STARD13: variants seen among roughly 807,000 people sequenced by gnomAD.
STARD13 encodes stAR-related lipid transfer protein 13.
A neutral mutation model predicts 106.4 loss-of-function variants in STARD13; 62 were observed. That is an observed-to-expected ratio of 0.58 (90% CI 0.48 to 0.72). STARD13 has a LOEUF of 0.72. Ranked by LOEUF, STARD13 falls within the 30% of genes least tolerant of loss-of-function variation. The pLI, the probability that STARD13 is intolerant of heterozygous loss-of-function variation, is 0.00. For synonymous variants in STARD13, 565 were observed against 553.0 expected, an observed-to-expected ratio of 1.02 and a Z score of -0.31; for missense variants, 1,387 against 1,424.0, an observed-to-expected ratio of 0.97 and a Z score of 0.42.
the STARD13 span, among the ~76,000 whole-genome samples, chr13:33,597,508 T>G: frequency 7.9e-5 from 12 of 152,206 alleles, no homozygotes; most frequent in Non-Finnish European, 1.3e-4. Flanking sequence ...ACCTTTATTC[T>G]ACTATGTGTT....
At position 33,148,079 on chromosome 13, in the gene STARD13, CAT is replaced by C. The variant is rs374783469; in HGVS notation, c.324-5708_324-5707del. Among the ~76,000 whole-genome samples, 169 of 152,278 alleles carry C rather than the reference CAT, an allele frequency of 1.1e-3. 1 individual carries two copies. Among genetic ancestry groups the C allele is most frequent in the African/African-American group, 3.8e-3 (156 of 41,546 alleles). On this transcript the variant is annotated intron_variant, in intron 3 of 13. Transcript: ENST00000336934. ...TCACAAAAATTAATTCAAAATGAAT[CAT>C]AGACCTAAGTGTAAACACAAAGCTA... is the stretch of plus-strand genomic sequence containing the variant.
chr13:33,340,023 G>T (rs1410837504), intron 1 of STARD13, among the ~76,000 whole-genome samples: 1 of 152,152 alleles, frequency 6.6e-6, no homozygotes, highest in Non-Finnish European at 1.5e-5. Context: ...TTTCTGTGAT[G>T]AATACAACTC....
At chr13:33,319,853 G>A (rs1175547029) in intron 1 of STARD13, among the ~76,000 whole-genome samples, 2 of 152,200 alleles carry the variant, frequency 1.3e-5, no homozygotes, top group Non-Finnish European at 2.9e-5. Context: ...ATGCATACTT[G>A]TGTACTCCTT....
the STARD13 span, among the ~76,000 whole-genome samples, chr13:33,534,644 G>GA: frequency 4.6e-5 from 7 of 152,192 alleles, no homozygotes; most frequent in South Asian, 1.5e-3. Flanking sequence ...ATACACTGTT[G>GA]AAACACTATT....
At chr13:33,185,516 A>C (rs1316418331) in intron 1 of STARD13, among the ~76,000 whole-genome samples, 1 of 152,168 alleles carries the variant, frequency 6.6e-6, no homozygotes, top group Non-Finnish European at 1.5e-5. Context: ...TTCCGAGGAC[A>C]CTATGAAATT....
intron 1 of STARD13, chr13:33,273,897 T>A (rs945598604): frequency 3.9e-5 from 6 of 152,212 alleles, no homozygotes; most frequent in African/African-American, 9.6e-5. Context: ...GAAATTTTTT[T>A]AAATATATAC....
intron 1 of STARD13, among the ~76,000 whole-genome samples, chr13:33,324,330 C>A (rs866684986): frequency 7.2e-5 from 11 of 152,282 alleles, no homozygotes; most frequent in Admixed American, 5.2e-4. Flanking sequence ...GGCATTTCCC[C>A]AGCTGGGGCA....
the STARD13 span, among the ~76,000 whole-genome samples, chr13:33,449,067 C>T: frequency 1.3e-5 from 2 of 150,832 alleles, no homozygotes; most frequent in East Asian, 3.9e-4. Context: ...TTCTATTGTC[C>T]TAAAATGCTG....
intron 8 of STARD13, among the ~76,000 whole-genome samples, chr13:33,115,666 C>G (rs184683895): frequency 6.6e-6 from 1 of 152,270 alleles, no homozygotes; most frequent in Admixed American, 6.5e-5. Context: ...CCCAGGTCTT[C>G]TTTCCAGTGT....
At chr13:33,349,667 G>A (rs930899084) in intron 1 of STARD13, among the ~76,000 whole-genome samples, 1 of 152,168 alleles carries the variant, frequency 6.6e-6, no homozygotes, top group African/African-American at 2.4e-5. Flanking sequence ...CCAAAGGGAG[G>A]CCTTTCCTTG....
chr13:33,438,481 A>G, the STARD13 span, among the ~76,000 whole-genome samples: 8 of 152,352 alleles, frequency 5.3e-5, no homozygotes, highest in South Asian at 1.7e-3. Flanking sequence ...AGGGTTATAT[A>G]TAGTTGAAGT....
the STARD13 span, among the ~76,000 whole-genome samples, chr13:33,472,271 TG>T: frequency 1.3e-5 from 2 of 152,166 alleles, no homozygotes; most frequent in Admixed American, 6.5e-5. Context: ...GCAGTGCATT[TG>T]TTTCTTCTTT....
At chr13:33,141,578 T>A (rs1326446400) in intron 4 of STARD13, among the ~76,000 whole-genome samples, 2 of 152,150 alleles carry the variant, frequency 1.3e-5, no homozygotes, top group African/African-American at 4.8e-5. Flanking sequence ...AAGTACACAG[T>A]GGGGAGAATG....
the STARD13 span, among the ~76,000 whole-genome samples, chr13:33,612,530 C>T: frequency 6.6e-6 from 1 of 152,164 alleles, no homozygotes; most frequent in Non-Finnish European, 1.5e-5. Context: ...GCCTCATCCA[C>T]ACCTTGTTGC....
At chr13:33,483,860 C>A in the STARD13 span, among the ~76,000 whole-genome samples, 1 of 152,196 alleles carries the variant, frequency 6.6e-6, no homozygotes, top group African/African-American at 2.4e-5. Context: ...CTAGACCAAA[C>A]CACTGGCATT....
chr13:33,308,928 T>G (rs972501557), intron 1 of STARD13, among the ~76,000 whole-genome samples: 3 of 152,234 alleles, frequency 2.0e-5, no homozygotes, highest in African/African-American at 7.2e-5. Flanking sequence ...CCACAGTAAG[T>G]GCATGCTATG....
chr13:33,112,953 G>A, intron 8 of STARD13, 22 bp from the exon 9 acceptor site: 1 of 1,574,428 alleles, frequency 6.4e-7, no homozygotes, highest in Non-Finnish European at 8.6e-7. Context: ...TGGATGCCAG[G>A]TCATTGGAGG....
Position 33,123,055 on chromosome 13 carries a change from C to CAAAAAAAAAAA in STARD13, c.2082+3015_2082+3025dup, listed in dbSNP as rs71071079. Among the ~76,000 whole-genome samples the CAAAAAAAAAAA allele has an allele frequency of 1.3e-3, 58 of 45,850 alleles. 4 individuals carry two copies. Among genetic ancestry groups the CAAAAAAAAAAA allele is most frequent in the Non-Finnish European group, 1.7e-3 (46 of 26,420 alleles). 30.1% of individuals were successfully genotyped at this position (45,850 alleles called of 152,430 possible). ...TGGGTGACAGAGCAAGACTCCATCT[C>CAAAAAAAAAAA]AAAAAAAAAAAAAAAAAAAAAAAAG... On this transcript the variant is annotated intron_variant, in intron 7 of 13. Transcript: ENST00000336934.
intron 1 of STARD13, chr13:33,273,889 A>C (rs1891282437): frequency 6.6e-6 from 1 of 152,312 alleles, no homozygotes; most frequent in Admixed American, 6.5e-5. Context: ...AGAGAGTTGA[A>C]ATTTTTTTAA....
Sources: allele counts gnomAD v4.1 joint callset (sites outside exome capture counted in the v4.1 genomes callset), GRCh38; gene constraint gnomAD v4.1.1; transcripts MANE v1.5; gene names NCBI Gene and HGNC (gene_info 2026-07-23, HGNC 2026-07-21).